KCNJ1: variants seen among roughly 807,000 people sequenced by gnomAD.
KCNJ1 encodes the protein potassium inwardly rectifying channel subfamily J member 1, also known as ATP-sensitive inward rectifier potassium channel 1.
KCNJ1 carries 24 observed loss-of-function variants against 21.9 expected under a neutral mutation model. The observed-to-expected ratio is 1.10, with a 90% CI of 0.79 to 1.54. The LOEUF (loss-of-function observed/expected upper bound fraction) is 1.54, where lower values mean the gene tolerates loss of function less well. Among genes scored for constraint, KCNJ1 ranks in the 40% most tolerant of loss-of-function variants. The pLI, the probability that KCNJ1 is intolerant of heterozygous loss-of-function variation, is 0.00. For synonymous variants in KCNJ1, 152 were observed against 160.9 expected (o/e 0.94, Z 0.42); for missense variants, 457 against 455.4 (o/e 1.00, Z -0.03).
chr11:128,865,317 G>A (rs553537772), intron 1 of KCNJ1, among the ~76,000 whole-genome samples: 9 of 152,114 alleles, frequency 5.9e-5, no homozygotes, highest in South Asian at 2.1e-4. Flanking sequence ...TCCCATTAGC[G>A]TGTGAGAGCC....
intron 2 of KCNJ1, among the ~76,000 whole-genome samples, chr11:128,846,255 C>T (rs1943377369): frequency 6.6e-6 from 1 of 152,182 alleles, no homozygotes; most frequent in Non-Finnish European, 1.5e-5. Context: ...TGAGTTTCCT[C>T]ACCTGTGAAA....
intron 1 of KCNJ1, among the ~76,000 whole-genome samples, chr11:128,858,718 A>G (rs592796): frequency 1 from 152,226 of 152,336 alleles, 76,058 homozygotes; most frequent in Middle Eastern, 1. Flanking sequence ...ACTCTGTGAC[A>G]TAGACAGCAT....
rs1943212419 is a variant in KCNJ1 at position 128,838,751 on chromosome 11, C to T, written c.*374G>A. 4.6e-6 allele frequency: 1 copy of T among 218,896 alleles called. No homozygotes were observed. Among genetic ancestry groups the T allele is most frequent in the Admixed American group, 5.3e-5 (1 of 18,952 alleles). The allele number at this position is 218,896 out of a possible 1,614,324, so 13.6% of individuals were successfully genotyped here. A position where few individuals can be genotyped will look rare whatever the true frequency, so the allele number is the denominator to read the frequency against. ...ATGAGATTATTATTGTCCCCTGATCCTTTCTAAAGTTCATAACTTCTTTAA... is the reference window on the plus strand; with the variant it reads ...ATGAGATTATTATTGTCCCCTGATCTTTTCTAAAGTTCATAACTTCTTTAA... On this transcript the variant is annotated 3_prime_UTR_variant, in exon 3 of 3. Transcript: ENST00000392666.
At chr11:128,862,781 T>A (rs936868155) in intron 1 of KCNJ1, among the ~76,000 whole-genome samples, 3 of 152,190 alleles carry the variant, frequency 2.0e-5, no homozygotes, top group Non-Finnish European at 1.5e-5. Flanking sequence ...CTCCCCATAC[T>A]CTGTGCATAA....
chr11:128,849,433 A>G (rs1196934515), intron 2 of KCNJ1, among the ~76,000 whole-genome samples: 1 of 152,234 alleles, frequency 6.6e-6, no homozygotes, highest in East Asian at 1.9e-4. Flanking sequence ...AAACCTTTTT[A>G]GATAGTGAGC....
intron 1 of KCNJ1, among the ~76,000 whole-genome samples, chr11:128,851,203 A>G (rs1256448641): frequency 1.3e-5 from 2 of 152,212 alleles, no homozygotes; most frequent in Non-Finnish European, 2.9e-5. Context: ...ATTACTATTA[A>G]AAAGAACACC....
At chr11:128,844,192 T>C (rs1294872701) in intron 2 of KCNJ1, among the ~76,000 whole-genome samples, 2 of 152,224 alleles carry the variant, frequency 1.3e-5, no homozygotes, top group African/African-American at 2.4e-5. Context: ...TGTGCACTAC[T>C]AACCACACTA....
chr11:128,865,184 G>A lies in KCNJ1; in HGVS notation c.-192+1989C>T, dbSNP rs568707028. On this transcript the variant is annotated intron_variant, in intron 1 of 2. Coordinates refer to ENST00000392666, the MANE Select transcript of KCNJ1 (RefSeq NM_153766.3). ...GTAGGCCCCTTCCTGCCCACCCAGC[G>A]CATTTAGGATCATGCTTCCATGAGG... 1.1e-4 allele frequency among the ~76,000 whole-genome samples: 17 copies of A among 152,122 alleles called. 1 individual carries two copies. The highest frequency in any genetic ancestry group is 4.2e-4 in the South Asian group (2 of 4,806).
At chr11:128,845,273 A>G (rs997811549) in intron 2 of KCNJ1, among the ~76,000 whole-genome samples, 18 of 152,360 alleles carry the variant, frequency 1.2e-4, no homozygotes, top group African/African-American at 4.1e-4. Flanking sequence ...CGAATAAGTA[A>G]TTCAAGAATT....
chr11:128,859,120 G>C (rs1419921298), intron 1 of KCNJ1, among the ~76,000 whole-genome samples: 3 of 152,192 alleles, frequency 2.0e-5, no homozygotes, highest in Non-Finnish European at 4.4e-5. Flanking sequence ...CAGCAACTGT[G>C]GTAGGGGCTT....
At position 128,839,078 on chromosome 11, in the gene KCNJ1, A is replaced by G. The variant is rs767265214; in HGVS notation, c.*47T>C. 4 of 1,512,992 alleles carry G rather than the reference A, an allele frequency of 2.6e-6. No individual in the cohort carries two copies. Among genetic ancestry groups the G allele is most frequent in the South Asian group, 2.3e-5 (2 of 88,740 alleles). The allele number at this position is 1,512,992 out of a possible 1,614,324, so 93.7% of individuals were successfully genotyped here. On this transcript the variant is annotated 3_prime_UTR_variant, in exon 3 of 3. Coordinates refer to ENST00000392666, the MANE Select transcript of KCNJ1 (RefSeq NM_153766.3). ...TGACTGCTTCATAATGCTTCTAGGT[A>G]CTAGGAGCTTTAGAGACTTTGCTTT... is the stretch of plus-strand genomic sequence containing the variant.
intron 2 of KCNJ1, among the ~76,000 whole-genome samples, chr11:128,841,263 A>T (rs1382421431): frequency 1.3e-5 from 2 of 152,222 alleles, no homozygotes; most frequent in Non-Finnish European, 2.9e-5. Context: ...CTCCATAAAG[A>T]CAGACCATAC....
At chr11:128,864,398 G>A (rs1362444261) in intron 1 of KCNJ1, among the ~76,000 whole-genome samples, 1 of 151,740 alleles carries the variant, frequency 6.6e-6, no homozygotes, top group Admixed American at 6.6e-5. Flanking sequence ...CTTTTCTAGG[G>A]GTCTATCTTT....
At chr11:128,863,948 A>G (rs1335410950) in intron 1 of KCNJ1, among the ~76,000 whole-genome samples, 3 of 152,120 alleles carry the variant, frequency 2.0e-5, no homozygotes, top group African/African-American at 7.2e-5. Context: ...ATCCTTCACA[A>G]TCTTCTGCAA....
chr11:128,857,380 G>A (rs1014275148), intron 1 of KCNJ1, among the ~76,000 whole-genome samples: 6 of 152,056 alleles, frequency 3.9e-5, no homozygotes, highest in Non-Finnish European at 7.4e-5. Flanking sequence ...ACTTATTGTC[G>A]ATCTCCCCTC....
chr11:128,863,560 A>T (rs930757606), intron 1 of KCNJ1, among the ~76,000 whole-genome samples: 6 of 152,326 alleles, frequency 3.9e-5, no homozygotes, highest in African/African-American at 1.2e-4. Flanking sequence ...GTGCTGGGAA[A>T]ATTCAGATTT....
chr11:128,839,087 T>C lies in KCNJ1; in HGVS notation c.*38A>G. On this transcript the variant is annotated 3_prime_UTR_variant, in exon 3 of 3. Transcript: ENST00000392666. ...CATAATGCTTCTAGGTACTAGGAGC[T>C]TTAGAGACTTTGCTTTACTCCCGTT... 6.3e-7 allele frequency: 1 copy of C among 1,583,386 alleles called. No individual in the cohort carries two copies. The highest frequency in any genetic ancestry group is 1.7e-4 in the Middle Eastern group (1 of 6,024).
intron 2 of KCNJ1, among the ~76,000 whole-genome samples, chr11:128,846,643 T>C (rs538261040): frequency 2.6e-5 from 4 of 152,278 alleles, no homozygotes; most frequent in African/African-American, 9.6e-5. Flanking sequence ...GCAAAAGACT[T>C]GTCTTGGAGA....
rs1303222167 is a variant in KCNJ1, at chr11:128,839,926, A to G, written c.318T>C (p.Ile106=). 6.2e-7 allele frequency: 1 copy of G among 1,614,190 alleles called. No individual in the cohort carries two copies. Residue 106 remains isoleucine, a synonymous_variant, in exon 3 of 3, where the codon ATT becomes ATC. Coordinates refer to ENST00000392666, the MANE Select transcript of KCNJ1 (RefSeq NM_153766.3). ...ACAGAAAAGCTGAGGTCAAGCCATT[A>G]ATATTCTCCACACAGGGAGTGTGAT... ...SANHTPCVEN[I]NGLTSAFLFS... is the part of the protein sequence containing the mutation.
Sources: gnomAD v4.1 joint callset for allele counts (sites outside exome capture counted in the v4.1 genomes callset) on GRCh38, gnomAD v4.1.1 for gene constraint, MANE v1.5 for transcripts, NCBI Gene and HGNC (gene_info 2026-07-23, HGNC 2026-07-21) for gene names.